The following SORCS2 variants were observed in gnomAD, a reference collection of about 807,000 sequenced individuals.
SORCS2 encodes VPS10 domain-containing receptor SorCS2.
A neutral mutation model predicts 141.6 loss-of-function variants in SORCS2; 100 were observed. That is an observed-to-expected ratio of 0.71 (90% confidence interval 0.60 to 0.83). The LOEUF (loss-of-function observed/expected upper bound fraction) is 0.83. SORCS2 is among the 40% of genes least tolerant of loss of function. The pLI, the probability that SORCS2 is intolerant of heterozygous loss-of-function variation, is 0.00. For synonymous variants in SORCS2, 789 were observed against 676.9 expected, an observed-to-expected ratio of 1.17 and a Z score of -2.57; for missense variants, 1,646 against 1,560.2, an observed-to-expected ratio of 1.05 and a Z score of -0.93.
intron 1 of SORCS2, among the ~76,000 whole-genome samples, chr4:7,297,408 G>A (rs1415072798): frequency 1.3e-5 from 2 of 151,878 alleles, no homozygotes; most frequent in Admixed American, 6.5e-5. Context: ...GCAGGCCCCC[G>A]CCCCTCCCCC....
intron 1 of SORCS2, among the ~76,000 whole-genome samples, chr4:7,281,170 A>C (rs1365933598): frequency 2.0e-5 from 3 of 151,856 alleles, no homozygotes; most frequent in Non-Finnish European, 4.4e-5. Flanking sequence ...TGCTGCACAA[A>C]AGTTTTTTCT....
At chr4:7,299,802 C>T (rs565381525) in intron 1 of SORCS2, among the ~76,000 whole-genome samples, 5 of 152,214 alleles carry the variant, frequency 3.3e-5, no homozygotes, top group African/African-American at 4.8e-5. Context: ...AGCTCTGCAA[C>T]GGACCCCTGA....
chr4:7,638,239 G>C (rs1385324320), intron 3 of SORCS2, 89 bp from the exon 4 acceptor site: 1 of 1,424,876 alleles, frequency 7.0e-7, no homozygotes, highest in African/African-American at 1.5e-5. Context: ...AGGGAGAGAG[G>C]CGCACCTGGC....
At chr4:7,571,898 C>T (rs1358939853) in intron 3 of SORCS2, among the ~76,000 whole-genome samples, 1 of 152,236 alleles carries the variant, frequency 6.6e-6, no homozygotes, top group Non-Finnish European at 1.5e-5. Context: ...GGTGCCAGAG[C>T]TGACACTTAG....
In SORCS2 at chr4:7,646,888, G is replaced by A. The variant is rs185760581; in HGVS notation, c.814-7246G>A. Among the ~76,000 whole-genome samples, 14 of 152,300 alleles carry A rather than the reference G, an allele frequency of 9.2e-5. No homozygotes were observed. The South Asian group carries it at 1.5e-3, about 16-fold the overall frequency. On this transcript the variant is annotated intron_variant, in intron 4 of 26. Transcript: ENST00000507866. ...ACATCCTGGACAAAAACCCAGGGGC[G>A]GGAGGCACATGCGCGTTTTGGGATC...
intron 14 of SORCS2, 146 bp from the exon 15 acceptor site, chr4:7,712,587 C>G: frequency 4.9e-6 from 6 of 1,216,574 alleles, no homozygotes; most frequent in South Asian, 2.9e-5. Flanking sequence ...GGGGCAGCCT[C>G]GCTCTGATCT....
At chr4:7,629,121 C>T (rs1381585593) in intron 3 of SORCS2, among the ~76,000 whole-genome samples, 4 of 151,924 alleles carry the variant, frequency 2.6e-5, no homozygotes, top group African/African-American at 7.3e-5. Context: ...GTGGGTGAGG[C>T]GACGGCTGTG....
intron 2 of SORCS2, among the ~76,000 whole-genome samples, chr4:7,510,733 G>GC (rs1553876489): frequency 4.2e-5 from 1 of 23,562 alleles, no homozygotes; most frequent in Non-Finnish European, 7.5e-5. Context: ...CCGGGGCCTG[G>GC]GCACGTGCTG....
chr4:7,591,565 G>C (rs1182085583), intron 3 of SORCS2, among the ~76,000 whole-genome samples: 1 of 152,248 alleles, frequency 6.6e-6, no homozygotes, highest in South Asian at 2.1e-4. Context: ...GCTCTCCCGG[G>C]TGGTCACGGG....
At chr4:7,717,242 A>T (rs1726250692) in intron 17 of SORCS2, among the ~76,000 whole-genome samples, 1 of 152,206 alleles carries the variant, frequency 6.6e-6, no homozygotes, top group Non-Finnish European at 1.5e-5. Flanking sequence ...ATGGCCTGGG[A>T]TGCTCTTTCT....
At position 7,531,435 on chromosome 4, in the gene SORCS2, C is replaced by T. The variant is rs979261859; in HGVS notation, c.549-95C>T. On this transcript the variant is annotated intron_variant, in intron 2 of 26. Transcript: ENST00000507866. ...CTCAGGGTGTCTGGGGCACTCGGCC[C>T]GCACGGGCACAGGGCAGGGGCTGGA... 32 of 1,208,646 alleles carry T rather than the reference C, an allele frequency of 2.6e-5. 1 individual carries two copies. The Middle Eastern group carries it at 5.9e-4, about 22-fold the overall frequency. 74.9% of individuals were successfully genotyped at this position (1,208,646 alleles called of 1,614,324 possible).
intron 8 of SORCS2, among the ~76,000 whole-genome samples, chr4:7,672,531 C>G (rs1722860992): frequency 6.6e-6 from 1 of 152,182 alleles, no homozygotes; most frequent in Admixed American, 6.5e-5. Context: ...AATGCATTCA[C>G]TACAACTAAT....
chr4:7,424,154 G>A (rs1180137495), intron 2 of SORCS2, among the ~76,000 whole-genome samples: 2 of 152,214 alleles, frequency 1.3e-5, no homozygotes, highest in South Asian at 2.1e-4. Flanking sequence ...TGTGAAAAGC[G>A]GGTGGTGGGA....
At chr4:7,481,386 G>A (rs2109370062) in intron 2 of SORCS2, among the ~76,000 whole-genome samples, 1 of 152,354 alleles carries the variant, frequency 6.6e-6, no homozygotes, top group East Asian at 1.9e-4. Flanking sequence ...GGGAAGGAAA[G>A]AGCTGGGTGG....
In SORCS2 at chr4:7,260,889, C is replaced by A. The variant is rs550273817; in HGVS notation, c.480+67763C>A. 3.3e-5 allele frequency among the ~76,000 whole-genome samples: 5 copies of A among 152,326 alleles called. No individual in the cohort carries two copies. In the East Asian group the frequency reaches 9.7e-4, roughly 29 times the overall value. ...ACCTCCCCCGAGCAGGGTCTGTGAGCCCTTTCACAATGGGGACACCGAGGC... is the reference window on the plus strand; with the variant it reads ...ACCTCCCCCGAGCAGGGTCTGTGAGACCTTTCACAATGGGGACACCGAGGC... On this transcript the variant is annotated intron_variant, in intron 1 of 26. Transcript: ENST00000507866.
At chr4:7,642,617 A>G (rs1241160761) in intron 4 of SORCS2, among the ~76,000 whole-genome samples, 1 of 152,226 alleles carries the variant, frequency 6.6e-6, no homozygotes, top group African/African-American at 2.4e-5. Flanking sequence ...TTTGACTCCA[A>G]CAAATCTGGT....
chr4:7,422,089 G>A (rs1308877802), intron 2 of SORCS2, among the ~76,000 whole-genome samples: 4 of 152,158 alleles, frequency 2.6e-5, no homozygotes, highest in African/African-American at 7.2e-5. Flanking sequence ...CCTGCATTTC[G>A]GAAAACCAAG....
At chr4:7,494,704 A>G (rs1402094837) in intron 2 of SORCS2, among the ~76,000 whole-genome samples, 1 of 152,260 alleles carries the variant, frequency 6.6e-6, no homozygotes, top group Non-Finnish European at 1.5e-5. Context: ...TCAGTCCATG[A>G]AACAGGGAAC....
intron 1 of SORCS2, among the ~76,000 whole-genome samples, chr4:7,345,942 TCTTC>T (rs1471721576): frequency 6.6e-6 from 1 of 152,214 alleles, no homozygotes; most frequent in East Asian, 1.9e-4. Flanking sequence ...CAACTTCTTC[TCTTC>T]CTTCATGCTC....
Sources: allele counts gnomAD v4.1 joint callset (sites outside exome capture counted in the v4.1 genomes callset), GRCh38; gene constraint gnomAD v4.1.1; transcripts MANE v1.5; gene names NCBI Gene and HGNC (gene_info 2026-07-23, HGNC 2026-07-21).